The following PCDHGA2 variants were observed in gnomAD, a reference collection of about 807,000 sequenced individuals.
PCDHGA2 encodes protocadherin gamma subfamily A, 2, also known as protocadherin gamma-A2.
In PCDHGA2, 40 loss-of-function variants were observed where a neutral mutation model predicts 59.2. The ratio of observed to expected loss-of-function variants is 0.68; its 90% CI spans 0.52 to 0.88. The LOEUF is 0.88. PCDHGA2 is among the 40% of genes least tolerant of loss of function. The probability of loss-of-function intolerance (pLI) is 0.00; values close to 1 mark genes in which losing one functional copy is unlikely to be tolerated. For missense variants in PCDHGA2, 1,226 were observed against 1,204.0 expected, an observed-to-expected ratio of 1.02 and a Z score of -0.27; for synonymous variants, 560 against 526.0, an observed-to-expected ratio of 1.06 and a Z score of -0.89.
intron 1 of PCDHGA2, chr5:141,441,973 C>T (rs1457832429): frequency 6.7e-6 from 2 of 296,542 alleles, no homozygotes; most frequent in Admixed American, 4.4e-5. Context: ...GCTCTTCAGC[C>T]TGGAATGCGC....
At position 141,340,002 on chromosome 5, in the gene PCDHGA2, C is replaced by T. The variant is rs267600444; in HGVS notation, c.1031C>T (p.Ala344Val). ...ACGGTTCTGGATGTGAATGACAATG[C>T]CCCAGAATTTTACATGACATCTGCT... ...IVTVLDVNDN[A>V]PEFYMTSATS... The change falls in exon 1 of 4, where the codon GCC (alanine) becomes GTC (valine). Residue 344 changes from alanine (A) to valine (V), a missense_variant. Transcript: ENST00000394576. The T allele has an allele frequency of 1.2e-6, 2 of 1,614,090 alleles. No individual in the cohort carries two copies. Among genetic ancestry groups the T allele is most frequent in the Non-Finnish European group, 1.7e-6 (2 of 1,179,976 alleles).
chr5:141,384,281 T>A, intron 1 of PCDHGA2: 2 of 1,613,774 alleles, frequency 1.2e-6, no homozygotes, highest in Non-Finnish European at 1.7e-6. Flanking sequence ...TCAGTCTACA[T>A]CGCTGAGAAC....
intron 1 of PCDHGA2, chr5:141,351,091 C>T: frequency 2.5e-6 from 4 of 1,614,028 alleles, no homozygotes; most frequent in Non-Finnish European, 3.4e-6. Flanking sequence ...TCACCTATGC[C>T]TTCCTCAATT....
At chr5:141,411,425 A>AC (rs971774943) in intron 1 of PCDHGA2, 58 of 150,512 alleles carry the variant, frequency 3.9e-4, no homozygotes, top group African/African-American at 1.4e-3. Flanking sequence ...AACAACAACA[A>AC]AAAAAAACAT....
At chr5:141,352,394 CGA>C (rs776094293) in intron 1 of PCDHGA2, 1 of 1,613,932 alleles carries the variant, frequency 6.2e-7, no homozygotes. Flanking sequence ...CCTGCGCCTG[CGA>C]CGTTCCTCCA....
Position 141,491,401 on chromosome 5 carries a change from G to T in PCDHGA2, c.2425-3406G>T, listed in dbSNP as rs1442005704. ...GTCAGCGAAGTGCCTTCAGGGAAAC[G>T]CAGACGGGGACGGGGGTGGAGGGCA... On this transcript the variant is annotated intron_variant, in intron 1 of 3. Coordinates refer to ENST00000394576, the MANE Select transcript of PCDHGA2 (RefSeq NM_018915.4). The surrounding 1 kb of genome is among the most constrained non-coding windows in gnomAD (Gnocchi z 6.9). 1.2e-6 allele frequency: 2 copies of T among 1,614,102 alleles called. No homozygotes were observed. Among genetic ancestry groups the T allele is most frequent in the Non-Finnish European group, 1.7e-6 (2 of 1,179,990 alleles).
At chr5:141,448,542 T>G (rs2098594694) in intron 1 of PCDHGA2, among the ~76,000 whole-genome samples, 1 of 152,210 alleles carries the variant, frequency 6.6e-6, no homozygotes, top group Non-Finnish European at 1.5e-5. Flanking sequence ...GCATTTCTTA[T>G]GCAAATATGT....
At chr5:141,475,813 T>C in intron 1 of PCDHGA2, 1 of 334,788 alleles carries the variant, frequency 3.0e-6, no homozygotes, top group East Asian at 5.5e-5. Flanking sequence ...GAAAGTGAAG[T>C]TCCTGGCGCT....
At chr5:141,460,502 G>A (rs1300155108) in intron 1 of PCDHGA2, among the ~76,000 whole-genome samples, 1 of 152,094 alleles carries the variant, frequency 6.6e-6, no homozygotes, top group Non-Finnish European at 1.5e-5. Flanking sequence ...AAAATATGCT[G>A]AGAAGGCTAT....
At chr5:141,345,824 C>T (rs758177032) in intron 1 of PCDHGA2, 2 of 1,613,632 alleles carry the variant, frequency 1.2e-6, no homozygotes, top group African/African-American at 2.7e-5. Flanking sequence ...TGGACAGAGA[C>T]TCGGGCCAGA....
chr5:141,359,539 T>C (rs1181475445), intron 1 of PCDHGA2, among the ~76,000 whole-genome samples: 1 of 150,972 alleles, frequency 6.6e-6, no homozygotes, highest in Non-Finnish European at 1.5e-5. Flanking sequence ...CTATAAGAAA[T>C]AAATAGGAAA....
chr5:141,379,834 G>GA (rs199662644), intron 1 of PCDHGA2, among the ~76,000 whole-genome samples: 3,037 of 141,342 alleles, frequency 0.021, 48 homozygotes, highest in South Asian at 0.041. Flanking sequence ...GAAGCATCAG[G>GA]AAAAAAAACT....
At chr5:141,371,417 T>C in intron 1 of PCDHGA2, 3 of 1,613,948 alleles carry the variant, frequency 1.9e-6, no homozygotes, top group Middle Eastern at 1.6e-4. Context: ...CAGATGAAAA[T>C]GACAATGCCC....
At chr5:141,389,969 C>CTTGA (rs746625491) in intron 1 of PCDHGA2, 8 of 1,613,924 alleles carry the variant, frequency 5.0e-6, no homozygotes, top group Non-Finnish European at 6.8e-6. Flanking sequence ...TGGCCTTGGC[C>CTTGA]TTGATCTCAG....
At chr5:141,415,638 T>G in intron 1 of PCDHGA2, 1 of 1,598,954 alleles carries the variant, frequency 6.3e-7, no homozygotes, top group Non-Finnish European at 8.5e-7. Flanking sequence ...TTTTTACTTT[T>G]GTTAAAAAAA....
intron 1 of PCDHGA2, among the ~76,000 whole-genome samples, chr5:141,446,325 T>G (rs1440954528): frequency 3.9e-5 from 6 of 152,124 alleles, no homozygotes; most frequent in African/African-American, 1.4e-4. Flanking sequence ...GTTTCCACAT[T>G]AAGGAACTGG....
Position 141,362,245 on chromosome 5 carries a change from T to C in PCDHGA2, c.2424+20850T>C, listed in dbSNP as rs767098802. On this transcript the variant is annotated intron_variant, in intron 1 of 3. Coordinates refer to ENST00000394576, the MANE Select transcript of PCDHGA2 (RefSeq NM_018915.4). ...CTTGGCCTTGATCTCAGTGCTCTTC[T>C]TCCTCGCGGTGATTCTGGCAATCTC... 6.8e-6 allele frequency: 11 copies of C among 1,613,926 alleles called. No individual in the cohort carries two copies. The African/African-American group carries it at 1.2e-4, about 18-fold the overall frequency.
rs1761787404 is a variant in PCDHGA2 at position 141,360,887 on chromosome 5, T to C, written c.2424+19492T>C. The C allele has an allele frequency of 2.5e-6, 4 of 1,613,900 alleles. No individual in the cohort carries two copies. The South Asian group carries it at 4.4e-5, about 18-fold the overall frequency. ...AGCCAGGACGTGTACAGGGTCACCC[T>C]GAGGGAGGACGTGCCGCCGGGCTTC... On this transcript the variant is annotated intron_variant, in intron 1 of 3. Transcript: ENST00000394576.
rs113341686 is a variant in PCDHGA2, at chr5:141,488,763, G to A, written c.2425-6044G>A. Among the ~76,000 whole-genome samples the A allele has an allele frequency of 6.6e-4, 101 of 152,264 alleles. 1 individual carries two copies. The highest frequency in any genetic ancestry group is 1.7e-3 in the African/African-American group (69 of 41,544). ...ATGCAGGAAGTTGCTGGGACAGAACGCTGAGGAGTTTTGTATCACTTTGTC... is the reference window on the plus strand; with the variant it reads ...ATGCAGGAAGTTGCTGGGACAGAACACTGAGGAGTTTTGTATCACTTTGTC... On this transcript the variant is annotated intron_variant, in intron 1 of 3. Coordinates refer to ENST00000394576, the MANE Select transcript of PCDHGA2 (RefSeq NM_018915.4).
Sources: allele counts gnomAD v4.1 joint callset (sites outside exome capture counted in the v4.1 genomes callset), GRCh38; gene constraint gnomAD v4.1.1; non-coding constraint Gnocchi (gnomAD v3.1); transcripts MANE v1.5; gene names NCBI Gene and HGNC (gene_info 2026-07-23, HGNC 2026-07-21).